CDK9: variants seen among roughly 807,000 people sequenced by gnomAD.
CDK9 encodes cyclin dependent kinase 9.
In CDK9, 34 loss-of-function variants were observed where a neutral mutation model predicts 39.0. That is an observed-to-expected ratio of 0.87 (90% CI 0.66 to 1.16). The LOEUF (loss-of-function observed/expected upper bound fraction) is 1.16. Among genes scored for constraint, CDK9 ranks in the 50% most tolerant of loss-of-function variants. CDK9 has a pLI of 0.00. For synonymous variants in CDK9, 233 were observed against 196.2 expected, an observed-to-expected ratio of 1.19 and a Z score of -1.57; for missense variants, 369 against 503.2, an observed-to-expected ratio of 0.73 and a Z score of 2.55.
At chr9:127,786,576 C>G in intron 1 of CDK9, 125 bp from the exon 2 acceptor site, 1 of 818,486 alleles carries the variant, frequency 1.2e-6, no homozygotes, top group Admixed American at 2.7e-5. Context: ...AGCCGCGTGC[C>G]CTGGGTACCT....
chr9:127,787,182 A>G (rs1000708079), intron 2 of CDK9, among the ~76,000 whole-genome samples: 1 of 152,340 alleles, frequency 6.6e-6, no homozygotes, highest in African/African-American at 2.4e-5. Flanking sequence ...ACAACTTCCC[A>G]TAAACCTTCT....
chr9:127,790,131 A>G lies in CDK9; in HGVS notation c.*588A>G, dbSNP rs1829402774. 6.7e-6 allele frequency: 1 copy of G among 150,022 alleles called. No individual in the cohort carries two copies. Among genetic ancestry groups the G allele is most frequent in the East Asian group, 2.0e-4 (1 of 5,102 alleles). The allele number at this position is 150,022 out of a possible 1,614,324, so 9.3% of individuals were successfully genotyped here. On this transcript the variant is annotated 3_prime_UTR_variant, in exon 7 of 7. Transcript: ENST00000373264. ...GACTTGTGTGTTTTGTTCTGCGCAC[A>G]CACCGCCAACTGTTCCCCCACAGTC... is the stretch of plus-strand genomic sequence containing the variant.
rs751860076 is a variant in CDK9, at chr9:127,789,141, C to T, written c.754-37C>T. On this transcript the variant is annotated intron_variant, in intron 6 of 6. Transcript: ENST00000373264. The surrounding 1 kb of genome is among the most constrained non-coding windows in gnomAD (Gnocchi z 5.2). Reference sequence around the variant, plus strand: ...AGGGATAAGCCACGCACCTCCTGACCGGACTCCATATTCTCTCAACGCCCC... The same window carrying T: ...AGGGATAAGCCACGCACCTCCTGACTGGACTCCATATTCTCTCAACGCCCC... 106 of 1,528,884 alleles carry T rather than the reference C, an allele frequency of 6.9e-5. No homozygotes were observed. Among genetic ancestry groups the T allele is most frequent in the South Asian group, 1.2e-4 (9 of 77,888 alleles). 94.7% of individuals were successfully genotyped at this position (1,528,884 alleles called of 1,614,324 possible).
At chr9:127,787,480 C>T (rs369861307) in intron 2 of CDK9, 38 bp from the exon 3 acceptor site, 115 of 1,441,928 alleles carry the variant, frequency 8.0e-5, no homozygotes, top group Non-Finnish European at 1.0e-4. Flanking sequence ...CTCTGTACTG[C>T]GCTCACTCTT....
At position 127,787,505 on chromosome 9, in the gene CDK9, CTT is replaced by C; in HGVS notation, c.175-11_175-10del. On this transcript the variant is annotated splice_polypyrimidine_tract_variant and intron_variant, in intron 2 of 6. Coordinates refer to ENST00000373264, the MANE Select transcript of CDK9 (RefSeq NM_001261.4). ...CGCTCACTCTTGACCACTTTCCCCTCTTTCTCACCCAGTTCCCCATTACAGCC... is the reference window on the plus strand; with the variant it reads ...CGCTCACTCTTGACCACTTTCCCCTCTCTCACCCAGTTCCCCATTACAGCC... 3 of 1,601,526 alleles carry C rather than the reference CTT, an allele frequency of 1.9e-6. No homozygotes were observed. In the East Asian group the frequency reaches 6.7e-5, roughly 36 times the overall value.
In CDK9 at chr9:127,787,500, C is replaced by T. The variant is rs370526696; in HGVS notation, c.175-18C>T. On this transcript the variant is annotated intron_variant, in intron 2 of 6. Coordinates refer to ENST00000373264, the MANE Select transcript of CDK9 (RefSeq NM_001261.4). ...TACTGCGCTCACTCTTGACCACTTT[C>T]CCCTCTTTCTCACCCAGTTCCCCAT... The T allele has an allele frequency of 2.5e-6, 4 of 1,586,078 alleles. No homozygotes were observed. The highest frequency in any genetic ancestry group is 2.7e-5 in the African/African-American group (2 of 74,254).
intron 2 of CDK9, 68 bp from the exon 3 acceptor site, chr9:127,787,450 G>C: frequency 9.1e-7 from 1 of 1,093,628 alleles, no homozygotes; most frequent in South Asian, 1.3e-5. Flanking sequence ...TTGGCTGTCA[G>C]TACAGACCCC....
At position 127,788,657 on chromosome 9, in the gene CDK9, C is replaced by T. The variant is rs1829374365; in HGVS notation, c.718C>T (p.Leu240Phe). The T allele has an allele frequency of 6.2e-7, 1 of 1,611,624 alleles. No individual in the cohort carries two copies. The highest frequency in any genetic ancestry group is 8.5e-7 in the Non-Finnish European group (1 of 1,179,028). Residue 240 changes from leucine (L) to phenylalanine (F), a missense_variant, in exon 6 of 7, where the codon CTC becomes TTC. Transcript: ENST00000373264. ...CAACACGGAGCAGCACCAACTCGCC[C>T]TCATCAGTCAGCTCTGCGGCTCCAT... ...QGNTEQHQLA[L>F]ISQLCGSITP...
intron 1 of CDK9, 75 bp downstream of exon 1, chr9:127,786,315 C>T (rs1299784634): frequency 8.2e-7 from 1 of 1,223,772 alleles, no homozygotes; most frequent in Non-Finnish European, 1.2e-6. Flanking sequence ...CCCGGGCCCC[C>T]CCCGAGTTGG....
In CDK9 at chr9:127,788,030, GT is replaced by G; in HGVS notation, c.353del (p.Leu118TrpfsTer12). On this transcript the variant is annotated frameshift_variant, in exon 4 of 7. Transcript: ENST00000373264. LOFTEE classifies it high-confidence loss of function. ...TGACCTTGCTGGGCTGTTGAGCAAT[GT>G]TTTGGTCAAGTTCACGCTGTCTGAG... is the stretch of plus-strand genomic sequence containing the variant. The part of the protein sequence containing the change: ...EHDLAGLLSN[V>X]LVKFTLSEIK... The G allele has an allele frequency of 6.2e-7, 1 of 1,614,262 alleles. No individual in the cohort carries two copies. The highest frequency in any genetic ancestry group is 8.5e-7 in the Non-Finnish European group (1 of 1,180,052).
In CDK9 at chr9:127,789,697, T is replaced by C. The variant is rs1829394305; in HGVS notation, c.*154T>C. ...GAGCAGCCCGCTGAGTGGACTGGAG[T>C]GGAGCATTGGCTGAGAGACCAGGAG... On this transcript the variant is annotated 3_prime_UTR_variant, in exon 7 of 7. Coordinates refer to ENST00000373264, the MANE Select transcript of CDK9 (RefSeq NM_001261.4). This position sits in a 1 kb window ranked among gnomAD's most constrained non-coding sequence, Gnocchi z 5.2. The C allele has an allele frequency of 7.2e-6, 7 of 976,120 alleles. No individual in the cohort carries two copies. Among genetic ancestry groups the C allele is most frequent in the Non-Finnish European group, 1.0e-5 (7 of 677,030 alleles). 60.5% of individuals were successfully genotyped at this position (976,120 alleles called of 1,614,324 possible).
At position 127,786,781 on chromosome 9, in the gene CDK9, G is replaced by A; in HGVS notation, c.173G>A (p.Gly58Glu). 2 of 1,613,850 alleles carry A rather than the reference G, an allele frequency of 1.2e-6. No homozygotes were observed. The highest frequency in any genetic ancestry group is 1.7e-6 in the Non-Finnish European group (2 of 1,179,896). ...KKVLMENEKE[G>E]FPITALREIK... ...GTGCTGATGGAAAACGAGAAGGAGGGGGTGAGTACGGATCGGGCGTGCGGG... is the reference window on the plus strand; with the variant it reads ...GTGCTGATGGAAAACGAGAAGGAGGAGGTGAGTACGGATCGGGCGTGCGGG... Residue 58 changes from glycine (G) to glutamate (E), a missense_variant and splice_region_variant, in exon 2 of 7, where the codon GGG (glycine) becomes GAG (glutamate). By Grantham distance (98) the Gly-to-Glu change is moderately conservative. Coordinates refer to ENST00000373264, the MANE Select transcript of CDK9 (RefSeq NM_001261.4).
rs772280389 is a variant in CDK9, at chr9:127,786,080, G to A, written c.-69G>A. On this transcript the variant is annotated 5_prime_UTR_variant, in exon 1 of 7. Transcript: ENST00000373264. Reference sequence around the variant, plus strand: ...CCGCGGAGGGGCCTGGAGTGCGGCGGCGGCGGGACCCGGAGCAGGAGCGGC... The same window carrying A: ...CCGCGGAGGGGCCTGGAGTGCGGCGACGGCGGGACCCGGAGCAGGAGCGGC... 28 of 1,217,112 alleles carry A rather than the reference G, an allele frequency of 2.3e-5. No individual in the cohort carries two copies. The African/African-American group carries it at 2.9e-4, about 13-fold the overall frequency. 75.4% of individuals were successfully genotyped at this position (1,217,112 alleles called of 1,614,324 possible). A position where few individuals can be genotyped will look rare whatever the true frequency, so the allele number is the denominator to read the frequency against.
intron 1 of CDK9, 48 bp from the exon 2 acceptor site, chr9:127,786,653 C>T (rs773818931): frequency 1.3e-6 from 2 of 1,535,480 alleles, no homozygotes; most frequent in Admixed American, 1.8e-5. Flanking sequence ...GGGGCGGGCC[C>T]TGCGGAAATG....
At chr9:127,788,824 G>C (rs1829378613) in intron 6 of CDK9, 132 bp downstream of exon 6, 1 of 896,016 alleles carries the variant, frequency 1.1e-6, no homozygotes, top group East Asian at 2.7e-5. Flanking sequence ...TCTTGGGGTG[G>C]GGAGTGTGTG....
intron 3 of CDK9, 60 bp downstream of exon 3, chr9:127,787,668 C>G (rs986068362): frequency 2.1e-5 from 28 of 1,305,636 alleles, no homozygotes; most frequent in Non-Finnish European, 2.9e-5. Context: ...TGTTTGTAAA[C>G]TTGGAACTAG....
intron 6 of CDK9, 84 bp downstream of exon 6, chr9:127,788,776 C>T (rs545129866): frequency 5.8e-6 from 8 of 1,378,996 alleles, no homozygotes; most frequent in East Asian, 2.4e-5. Flanking sequence ...AAGGAGCGCT[C>T]CTCTCTGGAA....
chr9:127,789,185 C>T lies in CDK9; in HGVS notation c.761C>T (p.Pro254Leu). The T allele has an allele frequency of 6.4e-7, 1 of 1,574,260 alleles. No homozygotes were observed. The highest frequency in any genetic ancestry group is 1.4e-5 in the African/African-American group (1 of 74,030). The change falls in exon 7 of 7, where the codon CCA becomes CTA. Residue 254 changes from proline (P) to leucine (L), a missense_variant. By Grantham distance (98) the Pro-to-Leu change is moderately conservative (BLOSUM62 -3). Coordinates refer to ENST00000373264, the MANE Select transcript of CDK9 (RefSeq NM_001261.4). This position sits in a 1 kb window ranked among gnomAD's most constrained non-coding sequence, Gnocchi z 5.2. Reference sequence around the variant, plus strand: ...ACGCCCCCTCCCTCCCAGGTGTGGCCAAACGTGGACAACTATGAGCTGTAC... The same window carrying T: ...ACGCCCCCTCCCTCCCAGGTGTGGCTAAACGTGGACAACTATGAGCTGTAC... Reference protein sequence around the residue: ...LCGSITPEVWPNVDNYELYEK... With the variant: ...LCGSITPEVWLNVDNYELYEK...
rs1465373889 is a variant in CDK9, at chr9:127,788,605, G to A, written c.666G>A (p.Met222Ile). ...GTGCTGGGTGCATCATGGCAGAGAT[G>A]TGGACCCGCAGCCCCATCATGCAGG... Reference protein sequence around the residue: ...LWGAGCIMAEMWTRSPIMQGN... With the variant: ...LWGAGCIMAEIWTRSPIMQGN... The change falls in exon 6 of 7, where the codon ATG becomes ATA. Residue 222 changes from methionine (M) to isoleucine (I), a missense_variant. By Grantham distance (10) the Met-to-Ile change is conservative. Coordinates refer to ENST00000373264, the MANE Select transcript of CDK9 (RefSeq NM_001261.4). 6.2e-7 allele frequency: 1 copy of A among 1,600,536 alleles called. No individual in the cohort carries two copies. Among genetic ancestry groups the A allele is most frequent in the East Asian group, 2.2e-5 (1 of 44,454 alleles).
Sources: allele counts gnomAD v4.1 joint callset (sites outside exome capture counted in the v4.1 genomes callset), GRCh38; gene constraint gnomAD v4.1.1; non-coding constraint Gnocchi (gnomAD v3.1); transcripts MANE v1.5; gene names NCBI Gene and HGNC (gene_info 2026-07-23, HGNC 2026-07-21).